Variants in GOSR1 observed in about 807,000 individuals in gnomAD.
The protein encoded by GOSR1 is 28 kDa Golgi SNARE protein.
GOSR1 carries 21 observed loss-of-function variants against 35.5 expected under a neutral mutation model. The ratio of observed to expected loss-of-function variants is 0.59; its 90% CI spans 0.42 to 0.85. The LOEUF is 0.85. Among genes scored for constraint, GOSR1 ranks in the 40% least tolerant of loss-of-function variants. The probability of loss-of-function intolerance (pLI) is 0.00; values close to 1 mark genes in which losing one functional copy is unlikely to be tolerated. For missense variants in GOSR1, 285 were observed against 309.6 expected (o/e 0.92, Z 0.60); for synonymous variants, 94 against 106.6 (o/e 0.88, Z 0.73).
intron 6 of GOSR1, among the ~76,000 whole-genome samples, chr17:30,504,918 A>G (rs530721839): frequency 1.3e-5 from 2 of 152,380 alleles, no homozygotes; most frequent in South Asian, 2.1e-4. Flanking sequence ...ATACAAGAGA[A>G]TTATAGAAAG....
At chr17:30,488,108 C>CT (rs11360503) in intron 4 of GOSR1, among the ~76,000 whole-genome samples, 23 of 136,504 alleles carry the variant, frequency 1.7e-4, no homozygotes, top group East Asian at 1.5e-3. Context: ...TCATTTACTC[C>CT]TTTTTTTTTT....
At chr17:30,505,313 T>C (rs1324655420) in intron 6 of GOSR1, among the ~76,000 whole-genome samples, 5 of 152,154 alleles carry the variant, frequency 3.3e-5, no homozygotes, top group African/African-American at 4.8e-5. Context: ...GGCAGGAGGA[T>C]TGCTTGAAGC....
At position 30,495,414 on chromosome 17, in the gene GOSR1, G is replaced by C. The variant is rs1365959371; in HGVS notation, c.509+2661G>C. The C allele has an allele frequency of 6.6e-6, 3 of 455,674 alleles. No individual in the cohort carries two copies. The East Asian group carries it at 2.1e-4, about 32-fold the overall frequency. The allele number at this position is 455,674 out of a possible 1,614,324, so 28.2% of individuals were successfully genotyped here. On this transcript the variant is annotated intron_variant, in intron 6 of 8. Coordinates refer to ENST00000451249, the MANE Select transcript of GOSR1 (RefSeq NM_001007025.2). ...CTTCTGTATTTACCTTAATGAAGTT[G>C]ACAACTTTCAGAGGTTTTCAGTGGT...
At chr17:30,486,373 G>A (rs966492296) in intron 4 of GOSR1, among the ~76,000 whole-genome samples, 5 of 151,600 alleles carry the variant, frequency 3.3e-5, no homozygotes, top group South Asian at 2.1e-4. Context: ...AAAAATTAGC[G>A]GGGCGTGGTG....
At position 30,521,189 on chromosome 17, in the gene GOSR1, T is replaced by TTTG. The variant is rs1343502254; in HGVS notation, c.623-1063_623-1062insGTT. Among the ~76,000 whole-genome samples the TTTG allele has an allele frequency of 2.1e-5, 3 of 142,898 alleles. No homozygotes were observed. In the East Asian group the frequency reaches 6.1e-4, roughly 29 times the overall value. 93.7% of individuals were successfully genotyped at this position (142,898 alleles called of 152,430 possible). A position where few individuals can be genotyped will look rare whatever the true frequency, so the allele number is the denominator to read the frequency against. ...TCTCTTTTTTTTTTTTTTTTTTTTT[T>TTTG]TTTTTTTAAGACAGAGTCTCACCCT... On this transcript the variant is annotated intron_variant, in intron 8 of 8. Transcript: ENST00000451249.
At position 30,522,307 on chromosome 17, in the gene GOSR1, C is replaced by G; in HGVS notation, c.676C>G (p.Arg226Gly). 2 of 1,609,324 alleles carry G rather than the reference C, an allele frequency of 1.2e-6. No individual in the cohort carries two copies. The highest frequency in any genetic ancestry group is 1.7e-6 in the Non-Finnish European group (2 of 1,176,910). Residue 226 changes from arginine to glycine, a missense_variant, in exon 9 of 9, where the codon CGG becomes GGG. This residue lies in a region of GOSR1 where 168 missense variants were observed against 183.2 expected (regional missense o/e 0.92). Transcript: ENST00000451249. ...CCAGAGGATCAACCTGAGGAAGCGGCGGGACTCGCTCATCCTAGGGGGTGT... is the reference window on the plus strand; with the variant it reads ...CCAGAGGATCAACCTGAGGAAGCGGGGGGACTCGCTCATCCTAGGGGGTGT... ...LIQRINLRKR[R>G]DSLILGGVIG...
At chr17:30,511,271 T>C (rs1308850471) in intron 7 of GOSR1, among the ~76,000 whole-genome samples, 4 of 152,378 alleles carry the variant, frequency 2.6e-5, no homozygotes, top group East Asian at 1.9e-4. Flanking sequence ...TTTGCTGTTA[T>C]AGCACCTGCA....
chr17:30,477,768 A>C, intron 1 of GOSR1: 10 of 985,184 alleles, frequency 1.0e-5, no homozygotes, highest in Non-Finnish European at 1.2e-5. Flanking sequence ...GGAGTAATGG[A>C]ACTCGGACGA....
intron 6 of GOSR1, among the ~76,000 whole-genome samples, chr17:30,509,606 G>A (rs1427455442): frequency 1.3e-5 from 2 of 152,210 alleles, no homozygotes; most frequent in Non-Finnish European, 2.9e-5. Flanking sequence ...GGATACAGAT[G>A]TCTAGAAGTT....
At chr17:30,496,097 A>G (rs186155704) in intron 6 of GOSR1, among the ~76,000 whole-genome samples, 5 of 152,292 alleles carry the variant, frequency 3.3e-5, no homozygotes, top group East Asian at 1.9e-4. Flanking sequence ...AAATTGACCT[A>G]TAGGAGTATC....
At chr17:30,513,301 G>A (rs555382808) in intron 7 of GOSR1, among the ~76,000 whole-genome samples, 1 of 152,288 alleles carries the variant, frequency 6.6e-6, no homozygotes, top group South Asian at 2.1e-4. Flanking sequence ...ACTGAGTTCA[G>A]TTCACAGAGC....
In GOSR1 at chr17:30,481,153, A is replaced by G; in HGVS notation, c.42A>G (p.Lys14=). Residue 14 remains lysine, a synonymous_variant, in exon 2 of 9, where the codon AAA becomes AAG. Coordinates refer to ENST00000451249, the MANE Select transcript of GOSR1 (RefSeq NM_001007025.2). ...GTSSYWEDLR[K]QARQLENELD... ...ATAATTTTGTTAAAGATCTCAGGAA[A>G]CAGGCTCGACAGCTGGAAAATGAAC... The G allele has an allele frequency of 3.8e-6, 6 of 1,596,500 alleles. No homozygotes were observed. Among genetic ancestry groups the G allele is most frequent in the Admixed American group, 1.7e-5 (1 of 59,976 alleles).
At chr17:30,498,873 T>C (rs971557689) in intron 6 of GOSR1, among the ~76,000 whole-genome samples, 6 of 152,212 alleles carry the variant, frequency 3.9e-5, no homozygotes, top group African/African-American at 1.4e-4. Context: ...AGAATTTACT[T>C]ACAGTAAAAA....
chr17:30,507,743 A>G (rs1967457802), intron 6 of GOSR1, among the ~76,000 whole-genome samples: 1 of 151,586 alleles, frequency 6.6e-6, no homozygotes, highest in East Asian at 1.9e-4. Context: ...AAAAAAAAAA[A>G]GTTAGAAAGC....
chr17:30,478,272 T>C (rs577452149), intron 1 of GOSR1, among the ~76,000 whole-genome samples: 1 of 152,376 alleles, frequency 6.6e-6, no homozygotes, highest in South Asian at 2.1e-4. Flanking sequence ...TTCTCCCAAC[T>C]GTCTCTTTGC....
chr17:30,488,735 G>A (rs910041659), intron 4 of GOSR1, among the ~76,000 whole-genome samples: 4 of 150,914 alleles, frequency 2.7e-5, no homozygotes, highest in East Asian at 2.0e-4. Context: ...ACGGGGTTTC[G>A]CCATGTTGGC....
At chr17:30,516,341 G>T (rs1967809636) in intron 7 of GOSR1, among the ~76,000 whole-genome samples, 1 of 151,838 alleles carries the variant, frequency 6.6e-6, no homozygotes, top group South Asian at 2.1e-4. Context: ...GTGGTGGCAG[G>T]CGCCTGTAGT....
chr17:30,502,798 A>G (rs534101806), intron 6 of GOSR1, among the ~76,000 whole-genome samples: 1 of 152,234 alleles, frequency 6.6e-6, no homozygotes, highest in Non-Finnish European at 1.5e-5. Flanking sequence ...TGTGCTCTGT[A>G]AAATAAAAAG....
chr17:30,495,187 CAAAAAAAAAA>C (rs11369569), intron 6 of GOSR1, among the ~76,000 whole-genome samples: 3 of 81,340 alleles, frequency 3.7e-5, no homozygotes, highest in Non-Finnish European at 2.3e-5. Flanking sequence ...GACTCCGGCT[CAAAAAAAAAA>C]AAAAAAAAAA....
Sources: gnomAD v4.1 joint callset for allele counts (sites outside exome capture counted in the v4.1 genomes callset) on GRCh38, gnomAD v4.1.1 for gene constraint, gnomAD v4.1.1 regional missense constraint, MANE v1.5 for transcripts, NCBI Gene and HGNC (gene_info 2026-07-23, HGNC 2026-07-21) for gene names.